CLASP1: variants seen among roughly 807,000 people sequenced by gnomAD.
CLASP1 encodes the protein cytoplasmic linker associated protein 1, also known as CLIP-associating protein 1.
CLASP1 carries 38 observed loss-of-function variants against 192.3 expected under a neutral mutation model. That is an observed-to-expected ratio of 0.20 (90% CI 0.15 to 0.26). The LOEUF (loss-of-function observed/expected upper bound fraction) is 0.26. Ranked by LOEUF, CLASP1 falls within the 10% of genes least tolerant of loss-of-function variation. The pLI, the probability that CLASP1 is intolerant of heterozygous loss-of-function variation, is 1.00. For missense variants in CLASP1, 1,433 were observed against 1,932.5 expected (o/e 0.74, Z 4.85); for synonymous variants, 691 against 712.8 (o/e 0.97, Z 0.49).
chr2:121,511,624 A>C (rs979298365), intron 7 of CLASP1, among the ~76,000 whole-genome samples: 5 of 152,086 alleles, frequency 3.3e-5, no homozygotes, highest in Non-Finnish European at 7.4e-5. Flanking sequence ...AGAGAGCTGA[A>C]ATTCAGCCTG....
chr2:121,445,360 C>T, intron 19 of CLASP1: 1 of 740,832 alleles, frequency 1.3e-6, no homozygotes, highest in Non-Finnish European at 2.0e-6. Flanking sequence ...ACCCAAAAGG[C>T]AGAGCCAAGT....
chr2:121,456,133 A>G (rs1296113359), intron 14 of CLASP1, among the ~76,000 whole-genome samples: 1 of 152,166 alleles, frequency 6.6e-6, no homozygotes, highest in African/African-American at 2.4e-5. Flanking sequence ...TGATTTAACC[A>G]TTACAAAATG....
At chr2:121,632,396 T>A (rs1434569938) in intron 1 of CLASP1, among the ~76,000 whole-genome samples, 1 of 152,120 alleles carries the variant, frequency 6.6e-6, no homozygotes, top group East Asian at 1.9e-4. Context: ...TGTGCAAAAA[T>A]AATATATTAT....
chr2:121,531,147 G>T, intron 2 of CLASP1: 1 of 613,732 alleles, frequency 1.6e-6, no homozygotes, highest in South Asian at 1.9e-5. Flanking sequence ...AGTTTTTGCG[G>T]TGATTAAACG....
intron 32 of CLASP1, among the ~76,000 whole-genome samples, chr2:121,385,114 T>C (rs1434205865): frequency 2.0e-5 from 3 of 152,240 alleles, no homozygotes; most frequent in African/African-American, 7.2e-5. Context: ...TTCTATTTAG[T>C]GCAATAATTC....
intron 7 of CLASP1, among the ~76,000 whole-genome samples, chr2:121,505,830 A>G (rs72969357): frequency 0.038 from 5,857 of 152,198 alleles, 156 homozygotes; most frequent in East Asian, 0.14. Context: ...TATAAGATTT[A>G]GTTCAAATTA....
rs189615841 is a variant in CLASP1 at position 121,638,582 on chromosome 2, C to T, written c.-286+10790G>A. Among the ~76,000 whole-genome samples, 286 of 152,120 alleles carry T rather than the reference C, an allele frequency of 1.9e-3. 2 individuals are homozygous for T. Among genetic ancestry groups the T allele is most frequent in the Non-Finnish European group, 3.0e-3 (202 of 67,992 alleles). Reference sequence around the variant, plus strand: ...CAAAGAGCAGAAACAAGCCAACGTCCACCAACAAATTAATGGATAAACAAA... The same window carrying T: ...CAAAGAGCAGAAACAAGCCAACGTCTACCAACAAATTAATGGATAAACAAA... On this transcript the variant is annotated intron_variant, in intron 1 of 39. Transcript: ENST00000263710.
At chr2:121,366,421 T>C (rs1037804583) in intron 35 of CLASP1, among the ~76,000 whole-genome samples, 1 of 152,240 alleles carries the variant, frequency 6.6e-6, no homozygotes, top group African/African-American at 2.4e-5. Context: ...CAGCCATTTC[T>C]GCTTTCAAAC....
At chr2:121,494,925 G>A (rs561990834) in intron 8 of CLASP1, among the ~76,000 whole-genome samples, 5 of 152,230 alleles carry the variant, frequency 3.3e-5, no homozygotes, top group Non-Finnish European at 7.4e-5. Context: ...GGGAGACTGA[G>A]GCAGAAGAAT....
intron 2 of CLASP1, among the ~76,000 whole-genome samples, chr2:121,539,022 G>A (rs1487717045): frequency 6.6e-6 from 1 of 152,052 alleles, no homozygotes; most frequent in Non-Finnish European, 1.5e-5. Flanking sequence ...TTTTAAGATA[G>A]CTAAAATAAA....
chr2:121,616,474 T>C (rs1368136363), intron 1 of CLASP1, among the ~76,000 whole-genome samples: 2 of 152,074 alleles, frequency 1.3e-5, no homozygotes, highest in Non-Finnish European at 2.9e-5. Context: ...AAAATCTCCC[T>C]GGAAAACAGG....
chr2:121,595,143 C>T (rs1274884062), intron 2 of CLASP1, among the ~76,000 whole-genome samples: 1 of 152,156 alleles, frequency 6.6e-6, no homozygotes, highest in African/African-American at 2.4e-5. Flanking sequence ...ACCTCTGCTA[C>T]AAAATTATAA....
chr2:121,463,249 T>G (rs985483189), intron 9 of CLASP1, among the ~76,000 whole-genome samples: 1 of 152,204 alleles, frequency 6.6e-6, no homozygotes, highest in Non-Finnish European at 1.5e-5. Context: ...TATCAGATTT[T>G]TTTCACATTG....
intron 1 of CLASP1, among the ~76,000 whole-genome samples, chr2:121,611,490 G>A (rs1371959942): frequency 7.1e-6 from 1 of 141,122 alleles, no homozygotes; most frequent in South Asian, 2.4e-4. Flanking sequence ...CGTTGGAGGA[G>A]TTACAGGAAG....
intron 30 of CLASP1, among the ~76,000 whole-genome samples, chr2:121,390,043 G>A (rs1266984421): frequency 2.6e-5 from 4 of 152,168 alleles, no homozygotes; most frequent in Non-Finnish European, 5.9e-5. Context: ...CCGGGCCCAA[G>A]TATCCAATTT....
intron 1 of CLASP1, among the ~76,000 whole-genome samples, chr2:121,611,569 T>G (rs1182537731): frequency 4.9e-4 from 41 of 83,596 alleles, no homozygotes; most frequent in Non-Finnish European, 5.8e-4. Context: ...GGAAGAGGAG[T>G]TACAGGAGGA....
chr2:121,368,635 G>A (rs2067935373), intron 34 of CLASP1, among the ~76,000 whole-genome samples: 1 of 152,054 alleles, frequency 6.6e-6, no homozygotes, highest in South Asian at 2.1e-4. Context: ...GGTGTGGGCT[G>A]GCTGCTGGCA....
intron 28 of CLASP1, among the ~76,000 whole-genome samples, chr2:121,399,490 T>G (rs1241787371): frequency 6.6e-6 from 1 of 152,168 alleles, no homozygotes; most frequent in Non-Finnish European, 1.5e-5. Flanking sequence ...TACGCCATTG[T>G]TAGGCACAGG....
chr2:121,373,102 T>TG (rs1350970993), intron 34 of CLASP1, among the ~76,000 whole-genome samples: 1 of 152,196 alleles, frequency 6.6e-6, no homozygotes, highest in Non-Finnish European at 1.5e-5. Context: ...CAATGTTCGG[T>TG]GAGGAACCTG....
Sources: gnomAD v4.1 joint callset for allele counts (sites outside exome capture counted in the v4.1 genomes callset) on GRCh38, gnomAD v4.1.1 for gene constraint, MANE v1.5 for transcripts, NCBI Gene and HGNC (gene_info 2026-07-23, HGNC 2026-07-21) for gene names.